Variants in WWOX observed in about 807,000 individuals in gnomAD.
The protein encoded by WWOX is WW domain-containing oxidoreductase.
A neutral mutation model predicts 46.2 loss-of-function variants in WWOX; 69 were observed. The observed-to-expected ratio is 1.49, with a 90% CI of 1.23 to 1.82. WWOX has a LOEUF of 1.82. Among genes scored for constraint, WWOX ranks in the 40% most tolerant of loss-of-function variants. The pLI is 0.00. For synonymous variants in WWOX, 359 were observed against 202.6 expected (o/e 1.77, Z -6.56); for missense variants, 919 against 542.6 (o/e 1.69, Z -6.89).
At chr16:78,335,259 G>C (rs1256477863) in intron 5 of WWOX, among the ~76,000 whole-genome samples, 2 of 152,182 alleles carry the variant, frequency 1.3e-5, no homozygotes, top group Non-Finnish European at 2.9e-5. Flanking sequence ...GCGTCCATTA[G>C]CTGTTGTTGC....
At chr16:78,653,730 C>T (rs1022847655) in intron 8 of WWOX, among the ~76,000 whole-genome samples, 3 of 152,326 alleles carry the variant, frequency 2.0e-5, no homozygotes, top group Middle Eastern at 3.4e-3. Flanking sequence ...GTCCTATGGG[C>T]CTCCTAACCC....
chr16:78,496,395 T>C (rs1477987026), intron 8 of WWOX: 1 of 152,252 alleles, frequency 6.6e-6, no homozygotes, highest in South Asian at 2.1e-4. Flanking sequence ...GTCCTTGTCG[T>C]GTTGACCTTA....
intron 5 of WWOX, among the ~76,000 whole-genome samples, chr16:78,312,573 C>A (rs1021877413): frequency 1.3e-5 from 2 of 152,188 alleles, no homozygotes; most frequent in South Asian, 4.2e-4. Flanking sequence ...TGGGGTTTCA[C>A]CACGTTGGCT....
chr16:78,814,387 A>G (rs1310065391), intron 8 of WWOX, among the ~76,000 whole-genome samples: 2 of 152,144 alleles, frequency 1.3e-5, no homozygotes, highest in Admixed American at 6.5e-5. Flanking sequence ...AAAATACTAT[A>G]TGTTAAAAAA....
chr16:78,462,171 T>G (rs1013443795), intron 8 of WWOX, among the ~76,000 whole-genome samples: 2 of 152,200 alleles, frequency 1.3e-5, no homozygotes, highest in Admixed American at 6.5e-5. Flanking sequence ...AAAGGTAATT[T>G]AAGCAACTTG....
At chr16:78,876,994 A>G (rs898823911) in intron 8 of WWOX, among the ~76,000 whole-genome samples, 3 of 152,190 alleles carry the variant, frequency 2.0e-5, no homozygotes, top group Non-Finnish European at 4.4e-5. Flanking sequence ...CTGTTAAGTT[A>G]ACTGGTTCCT....
intron 8 of WWOX, among the ~76,000 whole-genome samples, chr16:79,171,379 A>G (rs1483363368): frequency 6.6e-6 from 1 of 152,230 alleles, no homozygotes; most frequent in African/African-American, 2.4e-5. Flanking sequence ...GAACAAATAT[A>G]ATTATCATAT....
chr16:78,399,137 G>GTGGC (rs1597165645), intron 6 of WWOX, among the ~76,000 whole-genome samples: 1 of 152,134 alleles, frequency 6.6e-6, no homozygotes, highest in Non-Finnish European at 1.5e-5. Flanking sequence ...AAGGGGATGG[G>GTGGC]TGGCTGGCTG....
At chr16:78,387,341 T>C (rs1057156880) in intron 6 of WWOX, among the ~76,000 whole-genome samples, 7 of 152,068 alleles carry the variant, frequency 4.6e-5, no homozygotes, top group African/African-American at 1.7e-4. Flanking sequence ...GGCAGGGAGG[T>C]TGACAATCCA....
At chr16:78,429,042 T>C (rs2083154440) in intron 7 of WWOX, among the ~76,000 whole-genome samples, 3 of 152,226 alleles carry the variant, frequency 2.0e-5, no homozygotes, top group South Asian at 4.1e-4. Flanking sequence ...TGGATTGGAA[T>C]TCCAAACCCA....
chr16:78,883,158 A>G (rs751780052), intron 8 of WWOX, among the ~76,000 whole-genome samples: 4 of 152,202 alleles, frequency 2.6e-5, no homozygotes, highest in Non-Finnish European at 5.9e-5. Context: ...TAGGCACAAA[A>G]TAACTCAGAA....
chr16:79,128,702 T>C (rs1010382244), intron 8 of WWOX, among the ~76,000 whole-genome samples: 1 of 152,168 alleles, frequency 6.6e-6, no homozygotes, highest in South Asian at 2.1e-4. Context: ...ATTTCTAAAG[T>C]GTTGGGGTGA....
chr16:78,814,285 T>C (rs2051273522), intron 8 of WWOX, among the ~76,000 whole-genome samples: 1 of 152,224 alleles, frequency 6.6e-6, no homozygotes, highest in Non-Finnish European at 1.5e-5. Context: ...CCTTCCCCTC[T>C]TGTTCCTTTT....
At chr16:79,139,543 C>G (rs927914644) in intron 8 of WWOX, among the ~76,000 whole-genome samples, 1 of 152,142 alleles carries the variant, frequency 6.6e-6, no homozygotes, top group Non-Finnish European at 1.5e-5. Context: ...TCTTTAGCTT[C>G]TTTGGAATCG....
At chr16:78,209,160 A>G (rs2036481712) in intron 5 of WWOX, among the ~76,000 whole-genome samples, 1 of 152,250 alleles carries the variant, frequency 6.6e-6, no homozygotes, top group Admixed American at 6.5e-5. Context: ...TATAACATGA[A>G]AATCAAATAC....
chr16:78,194,749 A>G (rs2035994809), intron 5 of WWOX, among the ~76,000 whole-genome samples: 2 of 151,408 alleles, frequency 1.3e-5, no homozygotes, highest in African/African-American at 2.4e-5. Flanking sequence ...TAACTCTTCT[A>G]CTCCTTTGGA....
chr16:78,317,049 A>C (rs939174401), intron 5 of WWOX, among the ~76,000 whole-genome samples: 4 of 152,234 alleles, frequency 2.6e-5, no homozygotes, highest in Non-Finnish European at 5.9e-5. Flanking sequence ...AAGCCTGCAC[A>C]GTAAGTAGGC....
At chr16:79,052,095 T>C (rs2048178819) in intron 8 of WWOX, among the ~76,000 whole-genome samples, 1 of 152,084 alleles carries the variant, frequency 6.6e-6, no homozygotes, top group Admixed American at 6.5e-5. Context: ...TTGTGCAGGT[T>C]AGTTACATAT....
chr16:79,045,780 C>CTTTCTTTT (rs2048053509), intron 8 of WWOX, among the ~76,000 whole-genome samples: 2 of 54,226 alleles, frequency 3.7e-5, no homozygotes, highest in African/African-American at 1.1e-4. Context: ...TTTTCTTTTC[C>CTTTCTTTT]TTTTTTTTTT....
Sources: gnomAD v4.1 joint callset for allele counts (sites outside exome capture counted in the v4.1 genomes callset) on GRCh38, gnomAD v4.1.1 for gene constraint, MANE v1.5 for transcripts, NCBI Gene and HGNC (gene_info 2026-07-23, HGNC 2026-07-21) for gene names.